Variants in KIF15 observed in about 807,000 individuals in gnomAD.
KIF15 encodes kinesin family member 15.
KIF15 carries 140 observed loss-of-function variants against 190.6 expected under a neutral mutation model. The ratio of observed to expected loss-of-function variants is 0.73; its 90% CI spans 0.64 to 0.84. KIF15 has a LOEUF of 0.84. Ranked by LOEUF, KIF15 falls within the 40% of genes least tolerant of loss-of-function variation. KIF15 has a pLI of 0.00. For synonymous variants in KIF15, 528 were observed against 551.3 expected (o/e 0.96, Z 0.59); for missense variants, 1,372 against 1,584.4 (o/e 0.87, Z 2.28).
intron 5 of KIF15, among the ~76,000 whole-genome samples, chr3:44,782,190 G>T (rs1367289182): frequency 6.6e-6 from 1 of 152,012 alleles, no homozygotes; most frequent in Non-Finnish European, 1.5e-5. Flanking sequence ...AGCTGGGATT[G>T]CAGGCATGCG....
chr3:44,798,037 A>ATAT lies in KIF15; in HGVS notation c.1098+84_1098+86dup. Reference sequence around the variant, plus strand: ...GTATGCCATTTTTGTGATTGCCCTAATATTAACATTAACTTTTATTTATTT... The same window carrying ATAT: ...GTATGCCATTTTTGTGATTGCCCTAATATTATTAACATTAACTTTTATTTATTT... On this transcript the variant is annotated intron_variant, in intron 10 of 34. Coordinates refer to ENST00000326047, the MANE Select transcript of KIF15 (RefSeq NM_020242.3). 5 of 1,229,812 alleles carry ATAT rather than the reference A, an allele frequency of 4.1e-6. No individual in the cohort carries two copies. The South Asian group carries it at 8.1e-5, about 20-fold the overall frequency. The allele number at this position is 1,229,812 out of a possible 1,614,324, so 76.2% of individuals were successfully genotyped here. A position where few individuals can be genotyped will look rare whatever the true frequency, so the allele number is the denominator to read the frequency against.
In KIF15 at chr3:44,830,866, G is replaced by T; in HGVS notation, c.3049-30G>T. 1.9e-6 allele frequency: 3 copies of T among 1,594,570 alleles called. No homozygotes were observed. The South Asian group carries it at 3.4e-5, about 18-fold the overall frequency. On this transcript the variant is annotated intron_variant, in intron 25 of 34. Coordinates refer to ENST00000326047, the MANE Select transcript of KIF15 (RefSeq NM_020242.3). ...TAATCTAGAAACAGGAAATAAAATG[G>T]CTCTTATAGCATGACTTTCTTTTCT...
chr3:44,820,503 C>T (rs1324472353), intron 20 of KIF15, among the ~76,000 whole-genome samples: 14 of 151,696 alleles, frequency 9.2e-5, no homozygotes, highest in South Asian at 2.1e-4. Context: ...TGCGGCCTTC[C>T]GCAGTGTTTG....
At chr3:44,834,637 C>T (rs1446214537) in intron 26 of KIF15, among the ~76,000 whole-genome samples, 1 of 151,992 alleles carries the variant, frequency 6.6e-6, no homozygotes, top group East Asian at 1.9e-4. Flanking sequence ...AATAGCTTTA[C>T]TGGGGCTGGG....
intron 1 of KIF15, among the ~76,000 whole-genome samples, chr3:44,762,414 A>G (rs1425095898): frequency 6.6e-6 from 1 of 152,198 alleles, no homozygotes; most frequent in Non-Finnish European, 1.5e-5. Flanking sequence ...ATTTTCACTT[A>G]AAGGAGACCC....
chr3:44,799,590 G>A (rs546312581), intron 10 of KIF15, among the ~76,000 whole-genome samples: 1 of 142,466 alleles, frequency 7.0e-6, no homozygotes, highest in Admixed American at 7.2e-5. Context: ...ATAGAGTCTC[G>A]CTCTGTCAAC....
At chr3:44,806,856 C>T (rs1223246715) in intron 16 of KIF15, among the ~76,000 whole-genome samples, 1 of 152,118 alleles carries the variant, frequency 6.6e-6, no homozygotes, top group East Asian at 1.9e-4. Context: ...AGCGATTCTC[C>T]TGCCTCAGCC....
chr3:44,800,279 A>G, intron 10 of KIF15, 35 bp from the exon 11 acceptor site: 1 of 1,605,556 alleles, frequency 6.2e-7, no homozygotes. Flanking sequence ...CTCAAAAAGC[A>G]TTATTTTAAT....
chr3:44,841,692 C>A (rs1211150893), intron 29 of KIF15, among the ~76,000 whole-genome samples: 2 of 152,136 alleles, frequency 1.3e-5, no homozygotes, highest in Admixed American at 1.3e-4. Context: ...GCCACCGCGC[C>A]TGGCCAATTT....
intron 5 of KIF15, among the ~76,000 whole-genome samples, chr3:44,782,012 TTTTA>T (rs1706189259): frequency 6.6e-6 from 1 of 152,098 alleles, no homozygotes; most frequent in Non-Finnish European, 1.5e-5. Flanking sequence ...TATGCTAAAG[TTTTA>T]TTTTACATGG....
chr3:44,763,586 C>T (rs1705248168), intron 1 of KIF15, among the ~76,000 whole-genome samples: 1 of 152,162 alleles, frequency 6.6e-6, no homozygotes, highest in Non-Finnish European at 1.5e-5. Context: ...AGGCATGAGC[C>T]ACCACACCCG....
intron 25 of KIF15, among the ~76,000 whole-genome samples, chr3:44,830,362 T>C (rs922140318): frequency 3.3e-5 from 5 of 152,188 alleles, no homozygotes; most frequent in African/African-American, 1.2e-4. Flanking sequence ...CGGTATAAAC[T>C]GAATAAGAAA....
chr3:44,829,658 T>TTTTATATGTATA (rs1697940846), intron 24 of KIF15, among the ~76,000 whole-genome samples: 2 of 113,562 alleles, frequency 1.8e-5, no homozygotes, highest in African/African-American at 7.2e-5. Flanking sequence ...TATGTATATA[T>TTTTATATGTATA]TATGTATATA....
chr3:44,865,339 G>A, intron 6 of KIF15: 1 of 909,554 alleles, frequency 1.1e-6, no homozygotes, highest in Non-Finnish European at 1.7e-6. Context: ...GCTCTGTAAG[G>A]AGAGGTGCAG....
intron 8 of KIF15, among the ~76,000 whole-genome samples, chr3:44,796,658 C>G (rs1236265007): frequency 1.3e-5 from 2 of 152,154 alleles, no homozygotes; most frequent in African/African-American, 4.8e-5. Flanking sequence ...TTTTTGTATA[C>G]TCCTTCCACT....
At chr3:44,848,640 G>A (rs375028150) in intron 32 of KIF15, 82 bp downstream of exon 32, 2 of 617,942 alleles carry the variant, frequency 3.2e-6, no homozygotes, top group Non-Finnish European at 2.7e-6. Context: ...CACAAGGTAG[G>A]TAACTTCTTT....
intron 1 of KIF15, among the ~76,000 whole-genome samples, chr3:44,763,989 A>G (rs1487022850): frequency 2.0e-5 from 3 of 152,324 alleles, no homozygotes; most frequent in Non-Finnish European, 4.4e-5. Flanking sequence ...CACCTGGCCT[A>G]AGATTCCCTT....
rs574575426 is a variant in KIF15, at chr3:44,835,461, C to T, written c.3172-2814C>T. ...TTCACTATGATGCCCACGCTGGTCT[C>T]GAACTCCTAAACCCAAGTGATCCTC... On this transcript the variant is annotated intron_variant, in intron 26 of 34. Coordinates refer to ENST00000326047, the MANE Select transcript of KIF15 (RefSeq NM_020242.3). 7.9e-5 allele frequency among the ~76,000 whole-genome samples: 12 copies of T among 152,122 alleles called. No individual in the cohort carries two copies. The East Asian group carries it at 1.7e-3, about 22-fold the overall frequency.
At chr3:44,810,043 GGC>G (rs1707719698) in intron 16 of KIF15, among the ~76,000 whole-genome samples, 1 of 152,080 alleles carries the variant, frequency 6.6e-6, no homozygotes, top group Admixed American at 6.5e-5. Flanking sequence ...CTCCAGCCTG[GGC>G]AACAGAACAA....
Sources: allele counts gnomAD v4.1 joint callset (sites outside exome capture counted in the v4.1 genomes callset), GRCh38; gene constraint gnomAD v4.1.1; transcripts MANE v1.5; gene names NCBI Gene and HGNC (gene_info 2026-07-23, HGNC 2026-07-21).